Variants in CDCA7L observed in about 807,000 individuals in gnomAD.
CDCA7L encodes the protein cell division cycle-associated 7-like protein.
Under a neutral mutation model 57.4 loss-of-function variants are expected in CDCA7L, and 44 were observed. The ratio of observed to expected loss-of-function variants is 0.77; its 90% CI spans 0.60 to 0.98. The LOEUF (loss-of-function observed/expected upper bound fraction) is 0.98. CDCA7L is among the 50% of genes least tolerant of loss of function. The pLI is 0.00. For synonymous variants in CDCA7L, 236 were observed against 202.8 expected, an observed-to-expected ratio of 1.16 and a Z score of -1.39; for missense variants, 644 against 580.6, an observed-to-expected ratio of 1.11 and a Z score of -1.12.
intron 1 of CDCA7L, among the ~76,000 whole-genome samples, chr7:21,929,508 G>A (rs185123702): frequency 1.6e-4 from 24 of 151,820 alleles, no homozygotes; most frequent in South Asian, 4.2e-4. Flanking sequence ...GACACAGACC[G>A]GCAAATTGGA....
In CDCA7L at chr7:21,903,022, C is replaced by T. The variant is rs1199811805; in HGVS notation, c.1290G>A (p.Leu430=). 1 of 1,613,776 alleles carries T rather than the reference C, an allele frequency of 6.2e-7. No individual in the cohort carries two copies. The highest frequency in any genetic ancestry group is 1.3e-5 in the African/African-American group (1 of 75,020). The change falls in exon 9 of 10, where the codon CTG becomes CTA. Residue 430 remains leucine, a synonymous_variant. Transcript: ENST00000406877. ...CATTGTCATAACCATAAAACTTGGC[C>T]AGATGAATGAGGATTCCTGTGGCAC... is the stretch of plus-strand genomic sequence containing the variant. ...GRCATGILIH[L]AKFYGYDNVK... is the part of the protein sequence containing the mutation.
chr7:21,904,184 C>T lies in CDCA7L; in HGVS notation c.1123G>A (p.Val375Met). 1.2e-6 allele frequency: 2 copies of T among 1,613,908 alleles called. No individual in the cohort carries two copies. The highest frequency in any genetic ancestry group is 1.7e-6 in the Non-Finnish European group (2 of 1,179,906). The change falls in exon 8 of 10, where the codon GTG (valine) becomes ATG (methionine). Residue 375 changes from valine to methionine, a missense_variant. By Grantham distance (21) the Val-to-Met change is conservative. Transcript: ENST00000406877. ...TVCRNQGCCG[V>M]RGQFCGPCLR... ...CATGGTCCACAGAACTGTCCTCGCA[C>T]ACCACAGCAACCCTGGTTCCGACAC...
At chr7:21,940,274 G>C (rs1786298516) in intron 1 of CDCA7L, 1 of 981,916 alleles carries the variant, frequency 1.0e-6, no homozygotes, top group East Asian at 1.1e-4. Flanking sequence ...GGAAGGAAAA[G>C]AACCAGCCCT....
intron 3 of CDCA7L, among the ~76,000 whole-genome samples, chr7:21,911,389 C>G (rs964124321): frequency 6.6e-6 from 1 of 152,042 alleles, no homozygotes; most frequent in Non-Finnish European, 1.5e-5. Context: ...CCAAAAACCC[C>G]CTAAGGCACG....
intron 2 of CDCA7L, among the ~76,000 whole-genome samples, chr7:21,912,017 T>G (rs1785345828): frequency 6.6e-6 from 1 of 150,482 alleles, no homozygotes; most frequent in African/African-American, 2.4e-5. Context: ...ATCCCAGCAC[T>G]TTGGGAGACC....
chr7:21,923,486 C>T (rs1374484024), intron 1 of CDCA7L, among the ~76,000 whole-genome samples: 2 of 152,072 alleles, frequency 1.3e-5, no homozygotes, highest in Non-Finnish European at 2.9e-5. Flanking sequence ...GTCAGTGAGA[C>T]CCTGTCTCTA....
At chr7:21,940,192 C>T in intron 1 of CDCA7L, 1 of 260,240 alleles carries the variant, frequency 3.8e-6, no homozygotes, top group African/African-American at 2.3e-5. Context: ...TCTCATATTC[C>T]ACTGGCCAAA....
At chr7:21,923,272 T>A (rs1785716673) in intron 1 of CDCA7L, among the ~76,000 whole-genome samples, 1 of 152,144 alleles carries the variant, frequency 6.6e-6, no homozygotes, top group South Asian at 2.1e-4. Flanking sequence ...GAAGATCACT[T>A]GACCCCAGGG....
intron 1 of CDCA7L, among the ~76,000 whole-genome samples, chr7:21,941,464 T>C (rs560346660): frequency 6.6e-6 from 1 of 152,244 alleles, no homozygotes; most frequent in Non-Finnish European, 1.5e-5. Flanking sequence ...AGTGGTTCAG[T>C]GCAGCTTACG....
intron 1 of CDCA7L, among the ~76,000 whole-genome samples, chr7:21,930,243 G>C (rs1404704515): frequency 6.6e-6 from 1 of 152,126 alleles, no homozygotes; most frequent in East Asian, 1.9e-4. Context: ...AATCAAGACA[G>C]AAATAAATAA....
chr7:21,904,599 G>C (rs966305732), intron 7 of CDCA7L, among the ~76,000 whole-genome samples: 2 of 152,178 alleles, frequency 1.3e-5, no homozygotes, highest in African/African-American at 4.8e-5. Flanking sequence ...CACATGTGAG[G>C]GATCTAGGTT....
intron 1 of CDCA7L, among the ~76,000 whole-genome samples, chr7:21,927,521 A>G (rs1017192108): frequency 2.6e-5 from 4 of 152,224 alleles, no homozygotes; most frequent in Non-Finnish European, 5.9e-5. Context: ...GAGTGAAAAC[A>G]GCCTAAACTA....
intron 1 of CDCA7L, among the ~76,000 whole-genome samples, chr7:21,925,957 A>C (rs1384951254): frequency 6.6e-6 from 1 of 152,166 alleles, no homozygotes; most frequent in Admixed American, 6.5e-5. Context: ...TGGGAGTGAC[A>C]GCCAGACACA....
intron 4 of CDCA7L, among the ~76,000 whole-genome samples, chr7:21,906,909 C>G (rs1785160250): frequency 6.6e-6 from 1 of 152,100 alleles, no homozygotes; most frequent in Non-Finnish European, 1.5e-5. Context: ...CTGGAATGAT[C>G]AAGACCTGGA....
At chr7:21,913,144 A>G (rs780243009) in intron 2 of CDCA7L, among the ~76,000 whole-genome samples, 3 of 152,158 alleles carry the variant, frequency 2.0e-5, no homozygotes, top group East Asian at 1.9e-4. Flanking sequence ...TTGAGCTCAT[A>G]TATCTCTGGG....
intron 2 of CDCA7L, among the ~76,000 whole-genome samples, chr7:21,914,850 G>C (rs564354242): frequency 3.3e-5 from 5 of 152,314 alleles, no homozygotes; most frequent in Admixed American, 2.0e-4. Flanking sequence ...GTCCTCCCTG[G>C]GGAGAACACA....
intron 1 of CDCA7L, among the ~76,000 whole-genome samples, chr7:21,933,172 G>C (rs924072248): frequency 6.6e-6 from 1 of 152,182 alleles, no homozygotes; most frequent in Non-Finnish European, 1.5e-5. Flanking sequence ...AGGGGATGTG[G>C]AGAAATAGGA....
Position 21,902,235 on chromosome 7 carries a change from G to T in CDCA7L, c.*87C>A. On this transcript the variant is annotated 3_prime_UTR_variant, in exon 10 of 10. Coordinates refer to ENST00000406877, the MANE Select transcript of CDCA7L (RefSeq NM_018719.5). ...AGAATTTCTGTATAAAAACACAACTGTAAAAAAATCTTTCTTAGGCACCAA... is the reference window on the plus strand; with the variant it reads ...AGAATTTCTGTATAAAAACACAACTTTAAAAAAATCTTTCTTAGGCACCAA... 2 of 1,142,798 alleles carry T rather than the reference G, an allele frequency of 1.8e-6. No homozygotes were observed. The highest frequency in any genetic ancestry group is 1.3e-6 in the Non-Finnish European group (1 of 792,878). The allele number at this position is 1,142,798 out of a possible 1,614,324, so 70.8% of individuals were successfully genotyped here.
chr7:21,902,262 G>GAAATCTTTCTTAGGCACCAAT lies in CDCA7L; in HGVS notation c.*59_*60insATTGGTGCCTAAGAAAGATTT. 1.4e-6 allele frequency: 2 copies of GAAATCTTTCTTAGGCACCAAT among 1,475,026 alleles called. No individual in the cohort carries two copies. The highest frequency in any genetic ancestry group is 9.5e-7 in the Non-Finnish European group (1 of 1,054,074). The allele number at this position is 1,475,026 out of a possible 1,614,324, so 91.4% of individuals were successfully genotyped here. A position where few individuals can be genotyped will look rare whatever the true frequency, so the allele number is the denominator to read the frequency against. On this transcript the variant is annotated 3_prime_UTR_variant, in exon 10 of 10. Transcript: ENST00000406877. ...AAAAAAATCTTTCTTAGGCACCAAT[G>GAAATCTTTCTTAGGCACCAAT]GTATGCATGTCTTGTTGGAGTACTC...
Sources: gnomAD v4.1 joint callset for allele counts (sites outside exome capture counted in the v4.1 genomes callset) on GRCh38, gnomAD v4.1.1 for gene constraint, MANE v1.5 for transcripts, NCBI Gene and HGNC (gene_info 2026-07-23, HGNC 2026-07-21) for gene names.